GABRG3: variants seen among roughly 807,000 people sequenced by gnomAD.
GABRG3 encodes gamma-aminobutyric acid receptor subunit gamma-3.
A neutral mutation model predicts 48.8 loss-of-function variants in GABRG3; 25 were observed. The observed-to-expected ratio is 0.51, with a 90% CI of 0.37 to 0.72. The LOEUF is 0.72. GABRG3 is among the 30% of genes least tolerant of loss of function. The pLI, the probability that GABRG3 is intolerant of heterozygous loss-of-function variation, is 0.00. For synonymous variants in GABRG3, 227 were observed against 217.6 expected, an observed-to-expected ratio of 1.04 and a Z score of -0.38; for missense variants, 394 against 577.9, an observed-to-expected ratio of 0.68 and a Z score of 3.26.
At chr15:27,005,546 G>A (rs1934950340) in intron 2 of GABRG3, among the ~76,000 whole-genome samples, 2 of 151,968 alleles carry the variant, frequency 1.3e-5, no homozygotes. Context: ...TCTCTTATTC[G>A]TTGTGCTCAA....
At position 26,974,149 on chromosome 15, in the gene GABRG3, G is replaced by T. The variant is rs1465483835; in HGVS notation, c.53+2561G>T. On this transcript the variant is annotated intron_variant, in intron 1 of 9. Transcript: ENST00000615808. This position sits in a 1 kb window ranked among gnomAD's most constrained non-coding sequence, Gnocchi z 4.3. ...ACCTAGAGCATCTCGGCCTCACTCT[G>T]CCCACTGCCTACCCAACCAGGCTAC... is the stretch of plus-strand genomic sequence containing the variant. Among the ~76,000 whole-genome samples the T allele has an allele frequency of 2.0e-5, 3 of 152,164 alleles. No homozygotes were observed. The highest frequency in any genetic ancestry group is 2.1e-4 in the South Asian group (1 of 4,822).
chr15:27,087,624 A>G (rs1897099908), intron 3 of GABRG3, among the ~76,000 whole-genome samples: 1 of 152,002 alleles, frequency 6.6e-6, no homozygotes, highest in Admixed American at 6.5e-5. Context: ...CATGTATGCA[A>G]ATGTGTGAGA....
At chr15:27,394,106 A>T (rs4329874) in intron 5 of GABRG3, among the ~76,000 whole-genome samples, 10,309 of 152,210 alleles carry the variant, frequency 0.068, 394 homozygotes, top group Middle Eastern at 0.12. Context: ...CAGATAAGGT[A>T]AGATTTACAA....
At chr15:27,142,250 G>A (rs536730291) in intron 3 of GABRG3, among the ~76,000 whole-genome samples, 11 of 152,204 alleles carry the variant, frequency 7.2e-5, no homozygotes, top group East Asian at 1.9e-4. Flanking sequence ...GTATTAGTCC[G>A]TTTTCACGCT....
At chr15:26,986,890 C>T (rs979592200) in intron 2 of GABRG3, among the ~76,000 whole-genome samples, 4 of 152,154 alleles carry the variant, frequency 2.6e-5, no homozygotes, top group Admixed American at 2.0e-4. Context: ...TGAGTTATCC[C>T]ACCAGTTACC....
rs185557286 is a variant in GABRG3 at position 27,372,589 on chromosome 15, G to A, written c.574+43701G>A. On this transcript the variant is annotated intron_variant, in intron 5 of 9. Coordinates refer to ENST00000615808, the MANE Select transcript of GABRG3 (RefSeq NM_033223.5). ...TTATTTTTTATAGAGATGGGGCCTC[G>A]TTTTGCTGCCCAAGCTGTTCTCAAA... Among the ~76,000 whole-genome samples the A allele has an allele frequency of 2.4e-3, 367 of 152,046 alleles. 1 individual carries two copies. The highest frequency in any genetic ancestry group is 6.0e-3 in the Admixed American group (91 of 15,268).
intron 3 of GABRG3, among the ~76,000 whole-genome samples, chr15:27,150,207 G>A (rs1468058448): frequency 6.6e-6 from 1 of 152,004 alleles, no homozygotes; most frequent in African/African-American, 2.4e-5. Context: ...GATTATAAAA[G>A]TGATATATTT....
chr15:27,086,372 T>A (rs1897077486), intron 3 of GABRG3, among the ~76,000 whole-genome samples: 1 of 152,098 alleles, frequency 6.6e-6, no homozygotes. Context: ...CAGTTCCAGA[T>A]CCATGTCTGT....
chr15:27,347,200 C>T (rs1378108165), intron 5 of GABRG3, among the ~76,000 whole-genome samples: 1 of 152,198 alleles, frequency 6.6e-6, no homozygotes, highest in East Asian at 1.9e-4. Flanking sequence ...AGGTACTTCT[C>T]CTCACATAGA....
At chr15:27,244,059 C>CT (rs1890205679) in intron 3 of GABRG3, among the ~76,000 whole-genome samples, 1 of 152,108 alleles carries the variant, frequency 6.6e-6, no homozygotes, top group Admixed American at 6.6e-5. Context: ...TCTTAGCCTG[C>CT]TTGGAGATGA....
chr15:27,354,250 T>A (rs957569046), intron 5 of GABRG3, among the ~76,000 whole-genome samples: 1 of 152,232 alleles, frequency 6.6e-6, no homozygotes, highest in African/African-American at 2.4e-5. Flanking sequence ...TTGTGAGTTA[T>A]CATTTGTGCA....
At chr15:27,324,922 A>G (rs1893555462) in intron 3 of GABRG3, among the ~76,000 whole-genome samples, 1 of 152,188 alleles carries the variant, frequency 6.6e-6, no homozygotes, top group Admixed American at 6.5e-5. Context: ...GCATAATTAA[A>G]GAGGTTACTG....
At chr15:27,416,616 C>A (rs1488395542) in intron 5 of GABRG3, among the ~76,000 whole-genome samples, 1 of 152,146 alleles carries the variant, frequency 6.6e-6, no homozygotes, top group Non-Finnish European at 1.5e-5. Flanking sequence ...ACGGTTGAGT[C>A]CCCCTGGAGT....
chr15:27,057,963 G>A (rs1896579511), intron 3 of GABRG3, among the ~76,000 whole-genome samples: 1 of 152,178 alleles, frequency 6.6e-6, no homozygotes, highest in South Asian at 2.1e-4. Context: ...CAGGACATGA[G>A]TGCATTCTCC....
At chr15:27,032,270 A>C (rs1896099752) in intron 3 of GABRG3, among the ~76,000 whole-genome samples, 1 of 152,146 alleles carries the variant, frequency 6.6e-6, no homozygotes, top group African/African-American at 2.4e-5. Context: ...TCCATCTTGC[A>C]ATCTGTTTTC....
intron 2 of GABRG3, among the ~76,000 whole-genome samples, chr15:27,022,001 C>T (rs1895903466): frequency 1.3e-5 from 2 of 152,166 alleles, no homozygotes; most frequent in Non-Finnish European, 2.9e-5. Flanking sequence ...TGCTCTGGGG[C>T]TCTGTGTAAA....
intron 3 of GABRG3, among the ~76,000 whole-genome samples, chr15:27,058,257 C>T (rs552876642): frequency 1.6e-4 from 25 of 152,306 alleles, no homozygotes; most frequent in Non-Finnish European, 3.2e-4. Context: ...TTCCCATTTA[C>T]GGTGCATCTG....
intron 3 of GABRG3, among the ~76,000 whole-genome samples, chr15:27,122,301 C>T (rs1433435304): frequency 1.3e-5 from 2 of 152,188 alleles, no homozygotes; most frequent in African/African-American, 2.4e-5. Context: ...AATATAGATA[C>T]TAACATTTAT....
At chr15:27,129,956 C>T (rs1897887728) in intron 3 of GABRG3, among the ~76,000 whole-genome samples, 2 of 152,012 alleles carry the variant, frequency 1.3e-5, no homozygotes, top group Non-Finnish European at 2.9e-5. Flanking sequence ...GACATTAACC[C>T]ATTATCAGAT....
Sources: allele counts gnomAD v4.1 joint callset (sites outside exome capture counted in the v4.1 genomes callset), GRCh38; gene constraint gnomAD v4.1.1; non-coding constraint Gnocchi (gnomAD v3.1); transcripts MANE v1.5; gene names NCBI Gene and HGNC (gene_info 2026-07-23, HGNC 2026-07-21).